Variants in HECTD4 observed in about 807,000 individuals in gnomAD.
HECTD4 encodes HECT domain E3 ubiquitin protein ligase 4.
A neutral mutation model predicts 471.5 loss-of-function variants in HECTD4; 114 were observed. The observed-to-expected ratio is 0.24, with a 90% CI of 0.21 to 0.28. The LOEUF (loss-of-function observed/expected upper bound fraction) is 0.28, where lower values mean the gene tolerates loss of function less well. Among genes scored for constraint, HECTD4 ranks in the 10% least tolerant of loss-of-function variants. The pLI, the probability that HECTD4 is intolerant of heterozygous loss-of-function variation, is 1.00. For missense variants in HECTD4, 3,866 were observed against 5,651.5 expected (o/e 0.68, Z 10.13); for synonymous variants, 2,012 against 2,256.0 (o/e 0.89, Z 3.07).
intron 7 of HECTD4, among the ~76,000 whole-genome samples, chr12:112,300,613 T>G (rs2135673818): frequency 6.6e-6 from 1 of 152,274 alleles, no homozygotes; most frequent in African/African-American, 2.4e-5. Context: ...CTTTTTTCTT[T>G]CCGAGACAGG....
At chr12:112,353,148 C>T (rs1193836791) in intron 1 of HECTD4, among the ~76,000 whole-genome samples, 4 of 152,210 alleles carry the variant, frequency 2.6e-5, no homozygotes, top group African/African-American at 9.6e-5. Flanking sequence ...AGCTGACTGA[C>T]AGCCACCTGA....
At chr12:112,298,205 C>T (rs989575880) in intron 7 of HECTD4, among the ~76,000 whole-genome samples, 2 of 151,826 alleles carry the variant, frequency 1.3e-5, no homozygotes, top group African/African-American at 4.8e-5. Flanking sequence ...GAGGTGGGCA[C>T]GAATCAGGAG....
chr12:112,180,924 A>G (rs2031646313), intron 62 of HECTD4, among the ~76,000 whole-genome samples: 1 of 152,132 alleles, frequency 6.6e-6, no homozygotes, highest in Non-Finnish European at 1.5e-5. Context: ...ACTTTACTGC[A>G]GTATTTTAAT....
intron 34 of HECTD4, among the ~76,000 whole-genome samples, chr12:112,238,660 G>A (rs1312342361): frequency 6.6e-6 from 1 of 152,030 alleles, no homozygotes; most frequent in East Asian, 1.9e-4. Flanking sequence ...TTGAGCCAGG[G>A]AGGTTGAGGT....
chr12:112,253,025 G>A (rs943919047), intron 22 of HECTD4, among the ~76,000 whole-genome samples: 8 of 151,730 alleles, frequency 5.3e-5, no homozygotes, highest in Non-Finnish European at 7.4e-5. Context: ...TGTTGCCCAC[G>A]CTGGTCTCAA....
chr12:112,354,328 G>A (rs2036295398), intron 1 of HECTD4, among the ~76,000 whole-genome samples: 1 of 152,016 alleles, frequency 6.6e-6, no homozygotes, highest in African/African-American at 2.4e-5. Context: ...CCAAAGTGCT[G>A]GGATTACAGG....
At position 112,252,490 on chromosome 12, in the gene HECTD4, T is replaced by C; in HGVS notation, c.3486A>G (p.Arg1162=). ...GDTVTFSFEM[R]SGREHNTPDK... is the part of the protein sequence containing the mutation. ...CAGGAGTGTTGTGTTCACGGCCACT[T>C]CTCATTTCAAAGGAGAAGGTGACTG... is the stretch of plus-strand genomic sequence containing the variant. The change falls in exon 23 of 76, where the codon AGA becomes AGG. Residue 1162 remains arginine, a synonymous_variant. Transcript: ENST00000682272. The C allele has an allele frequency of 6.2e-7, 1 of 1,613,276 alleles. No homozygotes were observed. Among genetic ancestry groups the C allele is most frequent in the Non-Finnish European group, 8.5e-7 (1 of 1,179,576 alleles).
chr12:112,349,419 A>G (rs1471631760), intron 1 of HECTD4, among the ~76,000 whole-genome samples: 1 of 151,712 alleles, frequency 6.6e-6, no homozygotes. Context: ...AAAGAAAGAA[A>G]AAGAAAAGAA....
intron 71 of HECTD4, 55 bp from the exon 72 acceptor site, chr12:112,167,593 G>T: frequency 7.3e-7 from 1 of 1,372,856 alleles, no homozygotes; most frequent in Non-Finnish European, 1.0e-6. Flanking sequence ...GTGCCCGCCA[G>T]GGAACATGTG....
intron 25 of HECTD4, 46 bp from the exon 26 acceptor site, chr12:112,248,558 C>T: frequency 8.2e-7 from 1 of 1,217,618 alleles, no homozygotes; most frequent in Non-Finnish European, 1.1e-6. Flanking sequence ...ATGCTCTCAG[C>T]TTCTCAATAC....
At chr12:112,344,153 T>G (rs943682882) in intron 1 of HECTD4, among the ~76,000 whole-genome samples, 2 of 152,218 alleles carry the variant, frequency 1.3e-5, no homozygotes, top group Non-Finnish European at 2.9e-5. Flanking sequence ...GTAGATCATT[T>G]AACAACTTTT....
chr12:112,190,745 C>T (rs1156685974), intron 60 of HECTD4, 41 bp downstream of exon 60: 2 of 1,517,592 alleles, frequency 1.3e-6, no homozygotes, highest in Non-Finnish European at 8.9e-7. Context: ...GCCAGCTCCA[C>T]CCCCACCCTA....
intron 62 of HECTD4, 85 bp downstream of exon 62, chr12:112,182,971 GGGA>G (rs1261841276): frequency 7.9e-6 from 7 of 885,174 alleles, no homozygotes; most frequent in Non-Finnish European, 1.3e-5. Flanking sequence ...TACTGGGGAG[GGGA>G]GGAGATTTTA....
At chr12:112,230,599 T>C in intron 40 of HECTD4, 88 bp downstream of exon 40, 1 of 1,444,924 alleles carries the variant, frequency 6.9e-7, no homozygotes, top group Non-Finnish European at 9.2e-7. Flanking sequence ...AAAATTTCTC[T>C]TTACTGAAAT....
At chr12:112,295,448 C>T (rs1342670268) in intron 7 of HECTD4, among the ~76,000 whole-genome samples, 1 of 151,000 alleles carries the variant, frequency 6.6e-6, no homozygotes, top group Non-Finnish European at 1.5e-5. Context: ...TCACTACAGC[C>T]TTGGACTCCT....
intron 55 of HECTD4, 75 bp from the exon 56 acceptor site, chr12:112,195,141 T>A: frequency 7.4e-7 from 1 of 1,347,444 alleles, no homozygotes; most frequent in Non-Finnish European, 1.0e-6. Context: ...GGCCGCAGGT[T>A]CTGAAGGAAA....
chr12:112,205,387 T>C (rs890304020), intron 52 of HECTD4, among the ~76,000 whole-genome samples: 1 of 152,022 alleles, frequency 6.6e-6, no homozygotes, highest in Admixed American at 6.6e-5. Context: ...TGAGCTGAGA[T>C]TGCACCATTG....
intron 44 of HECTD4, among the ~76,000 whole-genome samples, chr12:112,222,820 C>A (rs374450651): frequency 6.6e-6 from 1 of 151,990 alleles, no homozygotes; most frequent in South Asian, 2.1e-4. Context: ...GGTGACAGAG[C>A]GAAACCCTGT....
intron 34 of HECTD4, among the ~76,000 whole-genome samples, chr12:112,238,198 T>C (rs2033559814): frequency 6.6e-6 from 1 of 152,172 alleles, no homozygotes; most frequent in Admixed American, 6.5e-5. Context: ...TGGAATCTTA[T>C]TGGGAAATTT....
Sources: gnomAD v4.1 joint callset for allele counts (sites outside exome capture counted in the v4.1 genomes callset) on GRCh38, gnomAD v4.1.1 for gene constraint, MANE v1.5 for transcripts, NCBI Gene and HGNC (gene_info 2026-07-23, HGNC 2026-07-21) for gene names.